ERICH3: variants seen among roughly 807,000 people sequenced by gnomAD.
ERICH3 encodes the protein glutamate-rich protein 3.
ERICH3 carries 126 observed loss-of-function variants against 131.1 expected under a neutral mutation model. The ratio of observed to expected loss-of-function variants is 0.96; its 90% CI spans 0.83 to 1.11. ERICH3 has a LOEUF of 1.11. ERICH3 is among the 50% of genes most tolerant of loss of function. The probability of loss-of-function intolerance (pLI) is 0.00; values close to 1 mark genes in which losing one functional copy is unlikely to be tolerated. For missense variants in ERICH3, 2,050 were observed against 1,810.7 expected (o/e 1.13, Z -2.40); for synonymous variants, 695 against 644.6 (o/e 1.08, Z -1.18).
intron 7 of ERICH3, among the ~76,000 whole-genome samples, chr1:74,628,102 A>C (rs1429297960): frequency 6.6e-6 from 1 of 152,198 alleles, no homozygotes; most frequent in Non-Finnish European, 1.5e-5. Context: ...AGTGAGCTCA[A>C]GTGTTGTGAG....
intron 12 of ERICH3, among the ~76,000 whole-genome samples, chr1:74,582,906 AG>A (rs376184094): frequency 4.3e-4 from 65 of 151,996 alleles, no homozygotes; most frequent in African/African-American, 1.5e-3. Context: ...ACATAGTTGC[AG>A]GGTAGCATTT....
intron 11 of ERICH3, among the ~76,000 whole-genome samples, chr1:74,595,049 C>T (rs937425791): frequency 1.3e-5 from 2 of 152,108 alleles, no homozygotes; most frequent in Non-Finnish European, 2.9e-5. Context: ...CCAATTCTCT[C>T]CTTCCTATTC....
At chr1:74,592,733 C>T (rs1204110980) in intron 11 of ERICH3, among the ~76,000 whole-genome samples, 1 of 152,134 alleles carries the variant, frequency 6.6e-6, no homozygotes, top group East Asian at 1.9e-4. Context: ...GGCCAGGGCA[C>T]CTGACCTCCC....
chr1:74,672,737 T>C (rs1005745217), intron 1 of ERICH3, among the ~76,000 whole-genome samples: 1 of 147,418 alleles, frequency 6.8e-6, no homozygotes, highest in African/African-American at 2.4e-5. Context: ...CATTGTTTAA[T>C]TCAGGAGGAA....
intron 7 of ERICH3, chr1:74,622,693 A>G (rs1649265163): frequency 6.6e-6 from 1 of 152,230 alleles, no homozygotes; most frequent in Non-Finnish European, 1.5e-5. Context: ...AGCACTATAT[A>G]AATACTAGGT....
At chr1:74,641,207 T>C (rs1646434563) in intron 5 of ERICH3, 124 bp downstream of exon 5, 1 of 1,121,622 alleles carries the variant, frequency 8.9e-7, no homozygotes, top group Non-Finnish European at 1.3e-6. Context: ...TAAGACTATA[T>C]TTTCATTCAG....
intron 1 of ERICH3, among the ~76,000 whole-genome samples, chr1:74,664,473 A>G (rs1646670947): frequency 6.6e-6 from 1 of 152,188 alleles, no homozygotes; most frequent in Non-Finnish European, 1.5e-5. Context: ...GCTTCTTTGT[A>G]TGAGAGCCAA....
At chr1:74,599,325 G>A (rs1345255299) in intron 11 of ERICH3, among the ~76,000 whole-genome samples, 1 of 151,798 alleles carries the variant, frequency 6.6e-6, no homozygotes, top group Non-Finnish European at 1.5e-5. Flanking sequence ...CATTAATAAA[G>A]TGTGAAGGTA....
intron 1 of ERICH3, among the ~76,000 whole-genome samples, chr1:74,659,130 C>A (rs1646614597): frequency 6.6e-6 from 1 of 152,120 alleles, no homozygotes; most frequent in Non-Finnish European, 1.5e-5. Context: ...AAGTCTGAGC[C>A]AGTAGAAGAG....
At chr1:74,576,836 TTA>T in intron 13 of ERICH3, 57 bp downstream of exon 13, 2 of 1,457,056 alleles carry the variant, frequency 1.4e-6, no homozygotes, top group South Asian at 1.3e-5. Context: ...TTGACCAGAT[TTA>T]TGAGTCATGG....
chr1:74,589,602 T>C (rs973260322), intron 12 of ERICH3, 29 bp downstream of exon 12: 25 of 1,600,970 alleles, frequency 1.6e-5, no homozygotes, highest in Admixed American at 3.4e-5. Flanking sequence ...ATGAGGATGA[T>C]GGCAGCTCAA....
chr1:74,636,366 G>A lies in ERICH3; in HGVS notation c.517C>T (p.Pro173Ser), dbSNP rs746026874. The part of the protein sequence containing the change: ...PIRLQPLPSN[P>S]AVETVPKVTS... ...ACCTTTGGAACAGTTTCTACTGCAG[G>A]ATTACTGGGAAGAGGCTGTAATCGA... is the stretch of plus-strand genomic sequence containing the variant. Residue 173 changes from proline to serine, a missense_variant, in exon 6 of 15, where the codon CCT becomes TCT. Physicochemically the swap from Pro to Ser is moderately conservative, Grantham distance 74. Coordinates refer to ENST00000326665, the MANE Select transcript of ERICH3 (RefSeq NM_001002912.5). The A allele has an allele frequency of 1.2e-6, 2 of 1,613,102 alleles. No homozygotes were observed. Among genetic ancestry groups the A allele is most frequent in the South Asian group, 2.2e-5 (2 of 90,984 alleles).
chr1:74,574,303 G>C (rs904557565), intron 13 of ERICH3, among the ~76,000 whole-genome samples: 2 of 151,998 alleles, frequency 1.3e-5, no homozygotes, highest in Non-Finnish European at 2.9e-5. Flanking sequence ...ATTATTTTCT[G>C]TAGCAGCATA....
At chr1:74,652,374 T>C (rs1646543351) in intron 1 of ERICH3, among the ~76,000 whole-genome samples, 1 of 152,100 alleles carries the variant, frequency 6.6e-6, no homozygotes, top group African/African-American at 2.4e-5. Flanking sequence ...TGGCTGATCC[T>C]CTCTGTTCTG....
At chr1:74,646,615 T>C in intron 3 of ERICH3, 52 bp downstream of exon 3, 1 of 1,023,124 alleles carries the variant, frequency 9.8e-7, no homozygotes. Context: ...TCTTCAGTGA[T>C]GTGGAAGTAG....
At chr1:74,649,154 C>A in intron 2 of ERICH3, 68 bp downstream of exon 2, 2 of 1,099,332 alleles carry the variant, frequency 1.8e-6, no homozygotes, top group Non-Finnish European at 1.3e-6. Flanking sequence ...AAGAGAAAGC[C>A]TGAAAAGGTA....
At chr1:74,583,178 T>C (rs1647209119) in intron 12 of ERICH3, among the ~76,000 whole-genome samples, 1 of 152,158 alleles carries the variant, frequency 6.6e-6, no homozygotes, top group Non-Finnish European at 1.5e-5. Flanking sequence ...CAAGAAATCA[T>C]CCAAGAGCTT....
At chr1:74,591,317 A>T (rs1647591428) in intron 11 of ERICH3, among the ~76,000 whole-genome samples, 1 of 152,204 alleles carries the variant, frequency 6.6e-6, no homozygotes, top group African/African-American at 2.4e-5. Context: ...TTCAAGCCCC[A>T]TCTCAATCTC....
intron 1 of ERICH3, among the ~76,000 whole-genome samples, chr1:74,653,413 G>C (rs1042687414): frequency 1.3e-5 from 2 of 151,596 alleles, no homozygotes; most frequent in African/African-American, 4.9e-5. Flanking sequence ...GTGAGAGAGA[G>C]AGAGAACGAG....
Sources: gnomAD v4.1 joint callset for allele counts (sites outside exome capture counted in the v4.1 genomes callset) on GRCh38, gnomAD v4.1.1 for gene constraint, MANE v1.5 for transcripts, NCBI Gene and HGNC (gene_info 2026-07-23, HGNC 2026-07-21) for gene names.